Variants in RMDN2 observed in about 807,000 individuals in gnomAD.
RMDN2 encodes regulator of microtubule dynamics 2.
A neutral mutation model predicts 52.8 loss-of-function variants in RMDN2; 61 were observed. The ratio of observed to expected loss-of-function variants is 1.16; its 90% CI spans 0.94 to 1.43. The LOEUF is 1.43. Ranked by LOEUF, RMDN2 falls within the 40% of genes most tolerant of loss-of-function variation. The pLI is 0.00. For synonymous variants in RMDN2, 180 were observed against 153.1 expected (o/e 1.18, Z -1.30); for missense variants, 592 against 475.3 (o/e 1.25, Z -2.28).
At chr2:37,926,225 A>G (rs1044658375) in intron 1 of RMDN2, among the ~76,000 whole-genome samples, 1 of 152,252 alleles carries the variant, frequency 6.6e-6, no homozygotes, top group Admixed American at 6.5e-5. Flanking sequence ...GTTAATGAAT[A>G]TCTGTGCTAG....
chr2:38,037,189 A>G (rs971208434), intron 10 of RMDN2, among the ~76,000 whole-genome samples: 2 of 152,228 alleles, frequency 1.3e-5, no homozygotes, highest in African/African-American at 4.8e-5. Flanking sequence ...TAAAATGAGG[A>G]TGAAATTTTC....
intron 2 of RMDN2, chr2:37,952,582 T>G (rs1388775405): frequency 3.2e-6 from 1 of 309,108 alleles, no homozygotes; most frequent in Non-Finnish European, 5.9e-6. Flanking sequence ...TCCCCTTTTA[T>G]CATACTCTAA....
At position 37,952,127 on chromosome 2, in the gene RMDN2, G is replaced by C. The variant is rs560349459; in HGVS notation, c.453-21913G>C. 1.9e-5 allele frequency: 30 copies of C among 1,613,162 alleles called. 2 individuals are homozygous for C. In the South Asian group the frequency reaches 3.2e-4, roughly 17 times the overall value. On this transcript the variant is annotated intron_variant, in intron 2 of 10. Transcript: ENST00000354545. The stretch of plus-strand genomic sequence containing the variant: ...CTCAAAGCGAATTAACTTCAGGCCT[G>C]TTTGAAGATGAAGACTTTGCTGTCT...
At chr2:37,973,901 GC>G in intron 2 of RMDN2, 138 bp from the exon 3 acceptor site, 1 of 646,508 alleles carries the variant, frequency 1.5e-6, no homozygotes, top group Non-Finnish European at 2.6e-6. Context: ...TAGGACTGGA[GC>G]TTTTTCTGAG....
chr2:38,031,811 G>A (rs142639053), intron 10 of RMDN2, among the ~76,000 whole-genome samples: 1 of 152,106 alleles, frequency 6.6e-6, no homozygotes, highest in Non-Finnish European at 1.5e-5. Context: ...GCCTTCCTCG[G>A]GATGCCTGGA....
chr2:38,052,560 G>T (rs1171325527), intron 10 of RMDN2, among the ~76,000 whole-genome samples: 1 of 152,068 alleles, frequency 6.6e-6, no homozygotes, highest in African/African-American at 2.4e-5. Flanking sequence ...TTGCTGTGTT[G>T]CTGGTGCTTT....
At chr2:37,930,591 G>C (rs1226296678) in intron 2 of RMDN2, among the ~76,000 whole-genome samples, 1 of 152,172 alleles carries the variant, frequency 6.6e-6, no homozygotes, top group Admixed American at 6.5e-5. Context: ...CGAGGGACAT[G>C]GCTTCTCAGG....
upstream of RMDN2, among the ~76,000 whole-genome samples, chr2:37,924,588 A>AATTCCTG (rs749683578): frequency 6.6e-6 from 1 of 151,902 alleles, no homozygotes; most frequent in African/African-American, 2.4e-5. Flanking sequence ...ACTGGTCTCG[A>AATTCCTG]ATTCCTGACC....
At chr2:37,981,132 A>C in intron 4 of RMDN2, 151 bp from the exon 5 acceptor site, 1 of 637,424 alleles carries the variant, frequency 1.6e-6, no homozygotes, top group Non-Finnish European at 2.8e-6. Flanking sequence ...GTAGATCTCC[A>C]ATGTGGCTGA....
At chr2:37,978,289 C>T (rs6544125) in intron 4 of RMDN2, among the ~76,000 whole-genome samples, 20,986 of 122,788 alleles carry the variant, frequency 0.17, 1,807 homozygotes, top group Middle Eastern at 0.32. Flanking sequence ...AGCCTGGGCT[C>T]GGCATCAGAG....
chr2:37,932,576 G>T (rs1666862419), intron 2 of RMDN2, among the ~76,000 whole-genome samples: 1 of 151,690 alleles, frequency 6.6e-6, no homozygotes, highest in Non-Finnish European at 1.5e-5. Flanking sequence ...TGAGCTGTTG[G>T]GTACACCTCC....
upstream of RMDN2, among the ~76,000 whole-genome samples, chr2:37,921,442 C>A (rs1054410296): frequency 6.6e-6 from 1 of 152,040 alleles, no homozygotes; most frequent in Non-Finnish European, 1.5e-5. Context: ...CTAGCCTAAC[C>A]TGAATATCAT....
chr2:37,997,006 G>T (rs1485914989), intron 7 of RMDN2, among the ~76,000 whole-genome samples: 1 of 152,102 alleles, frequency 6.6e-6, no homozygotes, highest in Non-Finnish European at 1.5e-5. Flanking sequence ...GAGCAAAGGC[G>T]GAGTCTTGTA....
intron 10 of RMDN2, among the ~76,000 whole-genome samples, chr2:38,033,615 G>C (rs750553541): frequency 1.3e-5 from 2 of 152,102 alleles, no homozygotes; most frequent in Non-Finnish European, 1.5e-5. Context: ...TTCATTCTCC[G>C]CATAGATTAA....
intron 7 of RMDN2, among the ~76,000 whole-genome samples, chr2:37,991,693 C>G (rs996852150): frequency 2.0e-5 from 3 of 152,134 alleles, no homozygotes; most frequent in Admixed American, 6.5e-5. Context: ...TCTAGGTACA[C>G]TATTCACGGT....
intron 2 of RMDN2, among the ~76,000 whole-genome samples, chr2:37,947,385 G>T (rs1226165492): frequency 6.6e-6 from 1 of 152,088 alleles, no homozygotes; most frequent in African/African-American, 2.4e-5. Context: ...AATTCTGAAA[G>T]TAGAATTTCT....
chr2:38,026,091 G>C (rs1211296369), intron 10 of RMDN2, among the ~76,000 whole-genome samples: 1 of 151,948 alleles, frequency 6.6e-6, no homozygotes, highest in East Asian at 1.9e-4. Context: ...TTTCTTTGTT[G>C]GGGGAAGTTT....
At chr2:37,935,718 A>G (rs914360154) in intron 2 of RMDN2, among the ~76,000 whole-genome samples, 1 of 152,120 alleles carries the variant, frequency 6.6e-6, no homozygotes, top group South Asian at 2.1e-4. Flanking sequence ...CATACATATC[A>G]TTATATGGCA....
At chr2:38,017,040 A>G (rs1224798207) in intron 10 of RMDN2, 146 bp from the exon 11 acceptor site, 5 of 381,638 alleles carry the variant, frequency 1.3e-5, no homozygotes, top group Non-Finnish European at 2.3e-5. Context: ...AATTAGGGAA[A>G]GTATTTGGTG....
Sources: gnomAD v4.1 joint callset for allele counts (sites outside exome capture counted in the v4.1 genomes callset) on GRCh38, gnomAD v4.1.1 for gene constraint, MANE v1.5 for transcripts, NCBI Gene and HGNC (gene_info 2026-07-23, HGNC 2026-07-21) for gene names.